The following FCSK variants were observed in gnomAD, a reference collection of about 807,000 sequenced individuals.
FCSK encodes fucose kinase.
FCSK carries 123 observed loss-of-function variants against 122.5 expected under a neutral mutation model. That is an observed-to-expected ratio of 1.00 (90% CI 0.87 to 1.17). FCSK has a LOEUF of 1.17. Ranked by LOEUF, FCSK falls within the 50% of genes most tolerant of loss-of-function variation. FCSK has a pLI of 0.00. For synonymous variants in FCSK, 620 were observed against 625.5 expected, an observed-to-expected ratio of 0.99 and a Z score of 0.13; for missense variants, 1,366 against 1,450.4, an observed-to-expected ratio of 0.94 and a Z score of 0.95.
chr16:70,456,093 G>T (rs916277467), intron 1 of FCSK, among the ~76,000 whole-genome samples: 1 of 152,172 alleles, frequency 6.6e-6, no homozygotes, highest in South Asian at 2.1e-4. Context: ...GATCGCTGGA[G>T]CCCGGGAGTT....
At chr16:70,470,235 T>C in intron 10 of FCSK, 79 bp from the exon 11 acceptor site, 2 of 921,754 alleles carry the variant, frequency 2.2e-6, no homozygotes, top group South Asian at 2.9e-5. Context: ...TGCCCCCATG[T>C]GTCTCTGCTG....
In FCSK at chr16:70,470,990, C is replaced by A; in HGVS notation, c.1088C>A (p.Ala363Asp). The change falls in exon 12 of 24, where the codon GCC becomes GAC. Residue 363 changes from alanine (A) to aspartate (D), a missense_variant. Ala to Asp is a moderately radical substitution (Grantham distance 126, BLOSUM62 -2). Coordinates refer to ENST00000288078, the MANE Select transcript of FCSK (RefSeq NM_145059.3). ...GCACAGGAGCAGCAGCTTCTGGCGGCCGGGAGCTCTGTGGTCAGCTGCCTG... is the reference window on the plus strand; with the variant it reads ...GCACAGGAGCAGCAGCTTCTGGCGGACGGGAGCTCTGTGGTCAGCTGCCTG... ...SQVEEQQLLA[A>D]GSSVVSCLLE... The A allele has an allele frequency of 6.3e-7, 1 of 1,594,628 alleles. No individual in the cohort carries two copies. Among genetic ancestry groups the A allele is most frequent in the South Asian group, 1.1e-5 (1 of 88,378 alleles).
chr16:70,474,099 C>G, intron 15 of FCSK, 30 bp from the exon 16 acceptor site: 1 of 1,543,870 alleles, frequency 6.5e-7, no homozygotes, highest in South Asian at 1.2e-5. Context: ...AGGCCTCCTC[C>G]CCTGCCACCC....
intron 3 of FCSK, 164 bp from the exon 4 acceptor site, chr16:70,464,962 C>G (rs766450895): frequency 2.7e-6 from 4 of 1,484,578 alleles, no homozygotes; most frequent in Non-Finnish European, 3.7e-6. Context: ...CCAGGAGGGA[C>G]CAGGGCTGCC....
chr16:70,472,814 A>G (rs1197208432), intron 14 of FCSK, among the ~76,000 whole-genome samples, 169 bp from the exon 15 acceptor site: 2 of 151,994 alleles, frequency 1.3e-5, no homozygotes, highest in Admixed American at 6.6e-5. Flanking sequence ...TTCTTGTTCA[A>G]TGGTCTGGGA....
chr16:70,454,920 A>G (rs1280268901), intron 1 of FCSK: 1 of 152,206 alleles, frequency 6.6e-6, no homozygotes, highest in Non-Finnish European at 1.5e-5. Flanking sequence ...CGGGCCTCAG[A>G]GGATCCTCAC....
At chr16:70,466,337 T>C in intron 5 of FCSK, 80 bp downstream of exon 5, 2 of 1,547,174 alleles carry the variant, frequency 1.3e-6, no homozygotes, top group Non-Finnish European at 1.8e-6. Context: ...GTATGATCTA[T>C]GCTGGCTCAG....
chr16:70,477,064 G>A (rs978919773), intron 20 of FCSK, among the ~76,000 whole-genome samples: 1 of 152,170 alleles, frequency 6.6e-6, no homozygotes, highest in East Asian at 1.9e-4. Context: ...CAACTACCAG[G>A]TTTTGGCTGC....
intron 11 of FCSK, among the ~76,000 whole-genome samples, 177 bp from the exon 12 acceptor site, chr16:70,470,794 G>A (rs1299789307): frequency 1.3e-5 from 2 of 152,200 alleles, no homozygotes; most frequent in African/African-American, 2.4e-5. Flanking sequence ...TTGGACAGGT[G>A]GGATGGAAAT....
intron 5 of FCSK, chr16:70,466,536 A>C: frequency 4.2e-6 from 2 of 476,884 alleles, no homozygotes; most frequent in Non-Finnish European, 7.5e-6. Flanking sequence ...CTACAAAAAA[A>C]TTTTTAAAAA....
intron 1 of FCSK, among the ~76,000 whole-genome samples, chr16:70,461,889 T>C (rs1306130299): frequency 6.6e-6 from 1 of 152,188 alleles, no homozygotes; most frequent in Non-Finnish European, 1.5e-5. Context: ...CCTGGGGAGA[T>C]GAAATCTTCT....
Position 70,479,380 on chromosome 16 carries a change from G to A in FCSK, c.3130G>A (p.Glu1044Lys). 1 of 1,613,656 alleles carries A rather than the reference G, an allele frequency of 6.2e-7. No homozygotes were observed. The change falls in exon 23 of 24, where the codon GAG (glutamate) becomes AAG (lysine). Residue 1044 changes from glutamate to lysine, a missense_variant. Coordinates refer to ENST00000288078, the MANE Select transcript of FCSK (RefSeq NM_145059.3). ...GGAGCCACAGCAAAAGGAGGCCTTG[G>A]AGGCGGTGCTGGCCAAGACCGAGGT... ...TKEPQQKEAL[E>K]AVLAKTEGLG...
In FCSK at chr16:70,470,327, C is replaced by A. The variant is rs1429542245; in HGVS notation, c.969C>A (p.Ser323Arg). ...DQPLTMAYVS[S>R]GSYSYMTSSA... ...ATGTCTTTACAGCCTATGTCTCCAG[C>A]GGCAGCTACAGCTACATGACCTCCT... Residue 323 changes from serine (S) to arginine (R), a missense_variant, in exon 11 of 24, where the codon AGC becomes AGA. Ser to Arg is a moderately radical substitution (Grantham distance 110). Coordinates refer to ENST00000288078, the MANE Select transcript of FCSK (RefSeq NM_145059.3). The A allele has an allele frequency of 1.2e-6, 2 of 1,612,342 alleles. No homozygotes were observed. The highest frequency in any genetic ancestry group is 4.5e-5 in the East Asian group (2 of 44,880).
Position 70,471,258 on chromosome 16 carries a change from A to C in FCSK, c.1247A>C (p.Glu416Ala). The change falls in exon 13 of 24, where the codon GAG (glutamate) becomes GCG (alanine). Residue 416 changes from glutamate (E) to alanine (A), a missense_variant. Glu to Ala is a moderately radical substitution (Grantham distance 107). Coordinates refer to ENST00000288078, the MANE Select transcript of FCSK (RefSeq NM_145059.3). The stretch of plus-strand genomic sequence containing the variant: ...CACTCCAAGGCCCTGCATGGCCGGG[A>C]GCTGCGTGACCTTGTCCTGCAGGGA... ...TAHSKALHGR[E>A]LRDLVLQGHH... 1 of 1,610,192 alleles carries C rather than the reference A, an allele frequency of 6.2e-7. No individual in the cohort carries two copies. Among genetic ancestry groups the C allele is most frequent in the Non-Finnish European group, 8.5e-7 (1 of 1,178,986 alleles).
intron 11 of FCSK, 33 bp from the exon 12 acceptor site, chr16:70,470,938 C>G: frequency 6.6e-7 from 1 of 1,513,568 alleles, no homozygotes; most frequent in East Asian, 2.4e-5. Flanking sequence ...TGGGCCTCGA[C>G]CCCCCTCATG....
chr16:70,473,390 C>CA lies in FCSK; in HGVS notation c.1777+38dup, dbSNP rs2151724197. On this transcript the variant is annotated intron_variant, in intron 15 of 23. Coordinates refer to ENST00000288078, the MANE Select transcript of FCSK (RefSeq NM_145059.3). The surrounding 1 kb of genome is among the most constrained non-coding windows in gnomAD (Gnocchi z 4.9). ...GGCTGGTAGTGCTGCAGAATCAGGC[C>CA]AGGGGCACCTGCCCTCCCTGTCCTC... 4.8e-6 allele frequency: 7 copies of CA among 1,459,436 alleles called. No individual in the cohort carries two copies. The highest frequency in any genetic ancestry group is 6.4e-6 in the Non-Finnish European group (7 of 1,101,066). 90.4% of individuals were successfully genotyped at this position (1,459,436 alleles called of 1,614,324 possible). A position where few individuals can be genotyped will look rare whatever the true frequency, so the allele number is the denominator to read the frequency against.
At chr16:70,461,920 G>A (rs1258638591) in intron 1 of FCSK, among the ~76,000 whole-genome samples, 1 of 152,166 alleles carries the variant, frequency 6.6e-6, no homozygotes, top group African/African-American at 2.4e-5. Flanking sequence ...ACCTATCTCC[G>A]GAGGTTCATA....
intron 13 of FCSK, 165 bp from the exon 14 acceptor site, chr16:70,472,376 G>C: frequency 3.7e-6 from 2 of 545,728 alleles, no homozygotes; most frequent in East Asian, 6.5e-5. Flanking sequence ...TACCTGCAGT[G>C]AGCTGACCAC....
intron 4 of FCSK, 137 bp downstream of exon 4, chr16:70,465,313 G>A (rs1457633994): frequency 6.9e-6 from 6 of 875,684 alleles, no homozygotes; most frequent in African/African-American, 6.8e-5. Context: ...CAAAAATTGG[G>A]AAATGGCTAA....
Sources: gnomAD v4.1 joint callset for allele counts (sites outside exome capture counted in the v4.1 genomes callset) on GRCh38, gnomAD v4.1.1 for gene constraint, Gnocchi (gnomAD v3.1) non-coding constraint, MANE v1.5 for transcripts, NCBI Gene and HGNC (gene_info 2026-07-23, HGNC 2026-07-21) for gene names.